The following PLD1 variants were observed in gnomAD, a reference collection of about 807,000 sequenced individuals.
PLD1 encodes phospholipase D1, also known as choline phosphatase 1.
In PLD1, 112 loss-of-function variants were observed where a neutral mutation model predicts 137.1. The ratio of observed to expected loss-of-function variants is 0.82; its 90% confidence interval spans 0.70 to 0.96. The LOEUF is 0.96. Ranked by LOEUF, PLD1 falls within the 40% of genes least tolerant of loss-of-function variation. The pLI, the probability that PLD1 is intolerant of heterozygous loss-of-function variation, is 0.00. For missense variants in PLD1, 1,321 were observed against 1,342.0 expected (o/e 0.98, Z 0.24); for synonymous variants, 431 against 454.7 (o/e 0.95, Z 0.66).
intron 21 of PLD1, among the ~76,000 whole-genome samples, chr3:171,648,923 C>A (rs1489475655): frequency 6.6e-6 from 1 of 152,100 alleles, no homozygotes; most frequent in Non-Finnish European, 1.5e-5. Context: ...ATATTTAAAC[C>A]AGTTCTTTAC....
chr3:171,768,152 G>T (rs1722104846), intron 1 of PLD1, among the ~76,000 whole-genome samples: 1 of 152,050 alleles, frequency 6.6e-6, no homozygotes, highest in Non-Finnish European at 1.5e-5. Context: ...CAGGCAACTG[G>T]GGAGCTCTGT....
At chr3:171,673,078 C>G (rs142530725) in intron 19 of PLD1, among the ~76,000 whole-genome samples, 158 of 152,296 alleles carry the variant, frequency 1.0e-3, no homozygotes, top group African/African-American at 3.6e-3. Context: ...ATCTTAAATT[C>G]TTATTTTCCT....
chr3:171,764,038 C>G (rs1721635428), intron 1 of PLD1, among the ~76,000 whole-genome samples: 1 of 152,052 alleles, frequency 6.6e-6, no homozygotes, highest in South Asian at 2.1e-4. Flanking sequence ...AATGGGTGAT[C>G]AAAGCTCACT....
At chr3:171,752,123 C>T (rs1720711156) in intron 1 of PLD1, among the ~76,000 whole-genome samples, 1 of 151,956 alleles carries the variant, frequency 6.6e-6, no homozygotes, top group Non-Finnish European at 1.5e-5. Context: ...TGCATTAGAA[C>T]TACATGTATC....
At chr3:171,642,629 C>T (rs946826729) in intron 23 of PLD1, among the ~76,000 whole-genome samples, 1 of 151,738 alleles carries the variant, frequency 6.6e-6, no homozygotes, top group South Asian at 2.1e-4. Context: ...CAAAGATGCT[C>T]GGTTTTTATT....
chr3:171,766,993 C>T (rs2108322942), intron 1 of PLD1, among the ~76,000 whole-genome samples: 1 of 152,232 alleles, frequency 6.6e-6, no homozygotes, highest in East Asian at 1.9e-4. Context: ...GTCTCATAAT[C>T]TTGGTTATCC....
intron 19 of PLD1, among the ~76,000 whole-genome samples, chr3:171,664,051 T>C (rs1338584787): frequency 4.6e-5 from 7 of 152,182 alleles, no homozygotes; most frequent in Non-Finnish European, 7.3e-5. Flanking sequence ...ATATGAGGTA[T>C]TTATTACAAA....
chr3:171,767,960 G>GC (rs1023884676), intron 1 of PLD1, among the ~76,000 whole-genome samples: 1 of 151,450 alleles, frequency 6.6e-6, no homozygotes, highest in Non-Finnish European at 1.5e-5. Context: ...AAGAGAGGGG[G>GC]GCTGGGGCTT....
At chr3:171,745,278 G>A (rs1238475156) in intron 1 of PLD1, among the ~76,000 whole-genome samples, 2 of 152,174 alleles carry the variant, frequency 1.3e-5, no homozygotes, top group Non-Finnish European at 2.9e-5. Flanking sequence ...TGTACTGAAA[G>A]GCACGTTACA....
At chr3:171,706,251 T>C (rs1043460787) in intron 11 of PLD1, among the ~76,000 whole-genome samples, 3 of 150,292 alleles carry the variant, frequency 2.0e-5, no homozygotes, top group Non-Finnish European at 1.5e-5. Context: ...TTCCCTTTCC[T>C]ATCCTATGCC....
intron 23 of PLD1, among the ~76,000 whole-genome samples, 198 bp from the exon 24 acceptor site, chr3:171,620,718 TTCTCTCTC>T (rs369273677): frequency 2.1e-4 from 22 of 104,156 alleles, no homozygotes; most frequent in African/African-American, 7.2e-4. Flanking sequence ...CTGAATGGCT[TTCTCTCTC>T]TCTCTCTCTC....
chr3:171,650,265 C>CT (rs1249649327), intron 21 of PLD1, among the ~76,000 whole-genome samples: 1 of 152,184 alleles, frequency 6.6e-6, no homozygotes, highest in African/African-American at 2.4e-5. Flanking sequence ...ACCCCACTCT[C>CT]TTTTCAATGT....
chr3:171,618,406 A>T (rs1331719926), intron 24 of PLD1, among the ~76,000 whole-genome samples: 1 of 152,226 alleles, frequency 6.6e-6, no homozygotes, highest in Non-Finnish European at 1.5e-5. Flanking sequence ...TTTCAAAAAA[A>T]TATTTACATC....
At chr3:171,708,644 C>A in intron 11 of PLD1, 111 bp downstream of exon 11, 1 of 632,108 alleles carries the variant, frequency 1.6e-6, no homozygotes, top group Non-Finnish European at 2.8e-6. Flanking sequence ...GCCAAACCAT[C>A]CACAGATACA....
chr3:171,714,739 GTTTCA>G (rs1248360365), intron 8 of PLD1, among the ~76,000 whole-genome samples: 2 of 151,894 alleles, frequency 1.3e-5, no homozygotes, highest in Non-Finnish European at 2.9e-5. Context: ...TTTCCACATA[GTTTCA>G]TTTCATTAAT....
chr3:171,638,009 T>C (rs991773733), intron 23 of PLD1, among the ~76,000 whole-genome samples: 1 of 151,454 alleles, frequency 6.6e-6, no homozygotes, highest in African/African-American at 2.4e-5. Context: ...TGAAACCCCA[T>C]CTCCACTAAA....
intron 25 of PLD1, among the ~76,000 whole-genome samples, chr3:171,606,256 T>C (rs901510763): frequency 6.6e-6 from 1 of 152,196 alleles, no homozygotes; most frequent in African/African-American, 2.4e-5. Context: ...TAGTCGCCTT[T>C]AGCTGAGATA....
rs1716913611 is a variant in PLD1, at chr3:171,708,858, T to C, written c.1062-20A>G. 3 of 1,392,390 alleles carry C rather than the reference T, an allele frequency of 2.2e-6. No homozygotes were observed. Among genetic ancestry groups the C allele is most frequent in the Non-Finnish European group, 3.0e-6 (3 of 986,746 alleles). 86.3% of individuals were successfully genotyped at this position (1,392,390 alleles called of 1,614,324 possible). A position where few individuals can be genotyped will look rare whatever the true frequency, so the allele number is the denominator to read the frequency against. ...ACATACCTGAAAGACAAGTTTATTGTTCCTTTTTGTTATTAAAAAAGAAAA... is the reference window on the plus strand; with the variant it reads ...ACATACCTGAAAGACAAGTTTATTGCTCCTTTTTGTTATTAAAAAAGAAAA... On this transcript the variant is annotated intron_variant, in intron 10 of 26. Transcript: ENST00000351298.
At chr3:171,737,508 G>T in intron 3 of PLD1, 24 bp downstream of exon 3, 1 of 1,586,400 alleles carries the variant, frequency 6.3e-7, no homozygotes, top group Non-Finnish European at 8.5e-7. Flanking sequence ...AAAGAAAAAA[G>T]GGTGAGTCCA....
Sources: gnomAD v4.1 joint callset for allele counts (sites outside exome capture counted in the v4.1 genomes callset) on GRCh38, gnomAD v4.1.1 for gene constraint, MANE v1.5 for transcripts, NCBI Gene and HGNC (gene_info 2026-07-23, HGNC 2026-07-21) for gene names.